GAS7: variants seen among roughly 807,000 people sequenced by gnomAD.
The protein encoded by GAS7 is growth arrest-specific protein 7.
Under a neutral mutation model 71.1 loss-of-function variants are expected in GAS7, and 28 were observed. The ratio of observed to expected loss-of-function variants is 0.39; its 90% CI spans 0.29 to 0.54. The LOEUF (loss-of-function observed/expected upper bound fraction) is 0.54. Among genes scored for constraint, GAS7 ranks in the 20% least tolerant of loss-of-function variants. The probability of loss-of-function intolerance (pLI) is 0.62; values close to 1 mark genes in which losing one functional copy is unlikely to be tolerated. For missense variants in GAS7, 436 were observed against 627.8 expected (o/e 0.69, Z 3.27); for synonymous variants, 258 against 245.8 (o/e 1.05, Z -0.46).
At position 9,926,737 on chromosome 17, in the gene GAS7, G is replaced by A. The variant is rs750359326; in HGVS notation, c.918C>T (p.Asn306=). The A allele has an allele frequency of 6.2e-7, 1 of 1,613,740 alleles. No individual in the cohort carries two copies. The highest frequency in any genetic ancestry group is 8.5e-7 in the Non-Finnish European group (1 of 1,179,756). The change falls in exon 10 of 14, where the codon AAC becomes AAT. Residue 306 remains asparagine, a synonymous_variant. Transcript: ENST00000432992. This position sits in a 1 kb window ranked among gnomAD's most constrained non-coding sequence, Gnocchi z 5.0. ...LHSEVEKPLM[N]FRENFKKDMK... ...TGTCTTTCTTGAAGTTCTCACGGAA[G>A]TTCATCAGGGGCTTCTCCACCTCGC...
rs538315710 is a variant in GAS7, at chr17:10,191,675, G to C, written c.183+6533C>G. ...GTGAATCACAAAGTCAGGAGTTCGA[G>C]ACCAGCCTGGCCAACCTGGTGAAAC... On this transcript the variant is annotated intron_variant, in intron 1 of 13. Transcript: ENST00000432992. Among the ~76,000 whole-genome samples the C allele has an allele frequency of 4.7e-4, 71 of 151,438 alleles. 1 individual carries two copies. Among genetic ancestry groups the C allele is most frequent in the African/African-American group, 1.5e-3 (62 of 41,248 alleles).
intron 2 of GAS7, among the ~76,000 whole-genome samples, chr17:10,010,745 G>A (rs141164166): frequency 1.5e-4 from 23 of 152,282 alleles, no homozygotes; most frequent in African/African-American, 5.3e-4. Context: ...AGCCTATTTT[G>A]TAGTGAAGTG....
intron 1 of GAS7, among the ~76,000 whole-genome samples, chr17:10,104,501 T>C (rs750086857): frequency 3.9e-5 from 6 of 152,168 alleles, no homozygotes; most frequent in Non-Finnish European, 7.4e-5. Flanking sequence ...TCTAAATTAA[T>C]ATCTCTAGCC....
At chr17:10,181,545 G>C (rs1046254519) in intron 1 of GAS7, among the ~76,000 whole-genome samples, 2 of 152,064 alleles carry the variant, frequency 1.3e-5, no homozygotes, top group Non-Finnish European at 2.9e-5. Context: ...AGTTCCATGT[G>C]GTTCTGATAA....
intron 12 of GAS7, 69 bp from the exon 13 acceptor site, chr17:9,918,168 C>T: frequency 9.4e-7 from 1 of 1,068,946 alleles, no homozygotes; most frequent in Non-Finnish European, 1.4e-6. Context: ...CCCACCAAGA[C>T]CACAAAACGC....
chr17:10,017,133 AAAATAAAT>A (rs3076181), intron 2 of GAS7, among the ~76,000 whole-genome samples: 2,215 of 132,444 alleles, frequency 0.017, 32 homozygotes, highest in East Asian at 0.077. Context: ...CCTGTCTAAA[AAAATAAAT>A]AAATAAATAA....
intron 2 of GAS7, among the ~76,000 whole-genome samples, chr17:9,985,430 C>T (rs117316845): frequency 0.011 from 1,666 of 152,330 alleles, 16 homozygotes; most frequent in Non-Finnish European, 0.016. Flanking sequence ...TCTCTAAATA[C>T]GCCTTTCCCG....
intron 1 of GAS7, among the ~76,000 whole-genome samples, chr17:10,195,048 C>T (rs775346278): frequency 1.3e-5 from 2 of 152,098 alleles, no homozygotes; most frequent in Non-Finnish European, 2.9e-5. Flanking sequence ...TGCACCACCC[C>T]GAGTAGGAAG....
chr17:10,002,496 G>A (rs2071305867), intron 2 of GAS7, among the ~76,000 whole-genome samples: 1 of 151,852 alleles, frequency 6.6e-6, no homozygotes, highest in South Asian at 2.1e-4. Flanking sequence ...GTGCCATGTT[G>A]GTGTGCTGCA....
At chr17:9,984,304 C>T (rs781396984) in intron 2 of GAS7, among the ~76,000 whole-genome samples, 6 of 152,090 alleles carry the variant, frequency 3.9e-5, no homozygotes, top group Non-Finnish European at 8.8e-5. Flanking sequence ...TACTCCCGCT[C>T]TCTAGGTGTG....
rs1348067013 is a variant in GAS7 at position 9,915,251 on chromosome 17, T to C, written c.*1977A>G. On this transcript the variant is annotated 3_prime_UTR_variant, in exon 14 of 14. Coordinates refer to ENST00000432992, the MANE Select transcript of GAS7 (RefSeq NM_201433.2). ...GTAATGGAAAAGTCAATGAGCCATATTGTACTCAAAATATCTTGTTAATAA... is the reference window on the plus strand; with the variant it reads ...GTAATGGAAAAGTCAATGAGCCATACTGTACTCAAAATATCTTGTTAATAA... 2.2e-5 allele frequency: 5 copies of C among 231,068 alleles called. No homozygotes were observed. Among genetic ancestry groups the C allele is most frequent in the East Asian group, 1.2e-4 (2 of 16,276 alleles). 14.3% of individuals were successfully genotyped at this position (231,068 alleles called of 1,614,324 possible).
At chr17:10,191,036 G>A (rs567054433) in intron 1 of GAS7, among the ~76,000 whole-genome samples, 6 of 152,128 alleles carry the variant, frequency 3.9e-5, no homozygotes, top group African/African-American at 1.4e-4. Flanking sequence ...CTAGCCGGGT[G>A]TGGTGGCGCA....
chr17:10,098,395 T>C (rs76081969), intron 1 of GAS7, among the ~76,000 whole-genome samples: 201 of 152,342 alleles, frequency 1.3e-3, no homozygotes, highest in African/African-American at 4.5e-3. Flanking sequence ...CTGTAGTGGC[T>C]GCTTTTGCCC....
intron 1 of GAS7, among the ~76,000 whole-genome samples, chr17:10,108,512 T>G (rs1257763814): frequency 1.3e-5 from 2 of 152,224 alleles, no homozygotes; most frequent in Non-Finnish European, 2.9e-5. Context: ...GCATTTTCTT[T>G]GAGCATCATA....
At chr17:10,025,470 G>A (rs1206725942) in intron 1 of GAS7, among the ~76,000 whole-genome samples, 3 of 151,532 alleles carry the variant, frequency 2.0e-5, no homozygotes, top group African/African-American at 4.9e-5. Context: ...ATCACCGCCC[G>A]CGTCCAGGCC....
intron 1 of GAS7, among the ~76,000 whole-genome samples, chr17:10,101,829 A>G (rs1341412920): frequency 1.3e-5 from 2 of 152,176 alleles, no homozygotes; most frequent in Non-Finnish European, 2.9e-5. Context: ...GCCAGGACCC[A>G]TCTAAGTTGG....
intron 1 of GAS7, among the ~76,000 whole-genome samples, chr17:10,021,587 C>T (rs370550911): frequency 1.9e-4 from 29 of 152,308 alleles, no homozygotes; most frequent in Middle Eastern, 3.4e-3. Flanking sequence ...CTGCAGTGCC[C>T]GTTTGATTCC....
Position 10,052,642 on chromosome 17 carries a change from C to G in GAS7, c.184-32745G>C, listed in dbSNP as rs536978277. Among the ~76,000 whole-genome samples the G allele has an allele frequency of 2.0e-3, 308 of 152,326 alleles. 2 individuals carry two copies. Among genetic ancestry groups the G allele is most frequent in the African/African-American group, 7.3e-3 (303 of 41,576 alleles). ...AAAGCAAGTAAGCGGCACAGGCTGCCAGAGGCTCCGTCCTCACCCTCACGC... is the reference window on the plus strand; with the variant it reads ...AAAGCAAGTAAGCGGCACAGGCTGCGAGAGGCTCCGTCCTCACCCTCACGC... On this transcript the variant is annotated intron_variant, in intron 1 of 13. Transcript: ENST00000432992.
intron 2 of GAS7, among the ~76,000 whole-genome samples, chr17:10,014,303 T>C (rs1249798256): frequency 6.6e-6 from 1 of 152,166 alleles, no homozygotes; most frequent in African/African-American, 2.4e-5. Context: ...GTAGAATTGG[T>C]GTTTGACCTC....
Sources: gnomAD v4.1 joint callset for allele counts (sites outside exome capture counted in the v4.1 genomes callset) on GRCh38, gnomAD v4.1.1 for gene constraint, Gnocchi (gnomAD v3.1) non-coding constraint, MANE v1.5 for transcripts, NCBI Gene and HGNC (gene_info 2026-07-23, HGNC 2026-07-21) for gene names.